The following PCSK2 variants were observed in gnomAD, a reference collection of about 807,000 sequenced individuals.
The protein encoded by PCSK2 is neuroendocrine convertase 2.
Under a neutral mutation model 69.7 loss-of-function variants are expected in PCSK2, and 14 were observed. The ratio of observed to expected loss-of-function variants is 0.20; its 90% confidence interval spans 0.13 to 0.31. PCSK2 has a LOEUF of 0.31. Ranked by LOEUF, PCSK2 falls within the 10% of genes least tolerant of loss-of-function variation. The pLI, the probability that PCSK2 is intolerant of heterozygous loss-of-function variation, is 1.00. For synonymous variants in PCSK2, 307 were observed against 320.7 expected (o/e 0.96, Z 0.46); for missense variants, 544 against 842.5 (o/e 0.65, Z 4.39).
intron 2 of PCSK2, among the ~76,000 whole-genome samples, chr20:17,323,469 T>A (rs1989940443): frequency 3.3e-5 from 5 of 152,138 alleles, no homozygotes; most frequent in African/African-American, 1.2e-4. Context: ...AGCAAACTAA[T>A]ATAATCGGTT....
chr20:17,428,095 C>T (rs2032285114), intron 6 of PCSK2, among the ~76,000 whole-genome samples: 1 of 152,170 alleles, frequency 6.6e-6, no homozygotes, highest in Admixed American at 6.5e-5. Context: ...TGTTTCTTCC[C>T]ATATGTTCCT....
chr20:17,439,709 G>A (rs1203381139), intron 8 of PCSK2, among the ~76,000 whole-genome samples: 4 of 152,194 alleles, frequency 2.6e-5, no homozygotes, highest in Non-Finnish European at 5.9e-5. Flanking sequence ...AAGTTCACAT[G>A]TAACTTCCTC....
At chr20:17,431,921 A>C (rs753869871) in intron 7 of PCSK2, among the ~76,000 whole-genome samples, 15 of 152,134 alleles carry the variant, frequency 9.9e-5, no homozygotes, top group South Asian at 2.1e-4. Flanking sequence ...TGGGCTAAGG[A>C]GGTCTAAAGC....
chr20:17,348,027 GAAAGAAGAAAGAAAGAAAGAAAGGA>G (rs1990731861), intron 2 of PCSK2, among the ~76,000 whole-genome samples: 2 of 83,882 alleles, frequency 2.4e-5, no homozygotes, highest in South Asian at 9.5e-4. Context: ...AAAAGAGAAA[GAAAGAAGAAAGAAAGAAAGAAAGGA>G]AAGAAAGAAA....
intron 2 of PCSK2, among the ~76,000 whole-genome samples, chr20:17,338,171 T>TG (rs71192374): frequency 0.067 from 7,597 of 112,622 alleles, 393 homozygotes; most frequent in East Asian, 0.16. Flanking sequence ...ACATTTTTTT[T>TG]GGGGGGGGGG....
At chr20:17,226,768 C>T (rs1229437739), upstream of PCSK2, among the ~76,000 whole-genome samples, 1 of 147,052 alleles carries the variant, frequency 6.8e-6, no homozygotes. Flanking sequence ...GGGGAGCTCT[C>T]CGGTGCTGAA....
intron 8 of PCSK2, among the ~76,000 whole-genome samples, chr20:17,438,636 G>A (rs2032534106): frequency 1.3e-5 from 2 of 152,154 alleles, no homozygotes; most frequent in South Asian, 2.1e-4. Flanking sequence ...CCTTTACCAG[G>A]CCTGGGGGCC....
At chr20:17,235,439 A>T (rs1041013758) in intron 1 of PCSK2, among the ~76,000 whole-genome samples, 2 of 152,170 alleles carry the variant, frequency 1.3e-5, no homozygotes, top group East Asian at 3.8e-4. Flanking sequence ...TCCTAAATAG[A>T]TTCATTTCAT....
chr20:17,317,767 C>T (rs912337036), intron 2 of PCSK2, among the ~76,000 whole-genome samples: 2 of 151,912 alleles, frequency 1.3e-5, no homozygotes, highest in Non-Finnish European at 2.9e-5. Flanking sequence ...ATAAAAGAGA[C>T]ATGGGAAGAG....
At chr20:17,264,490 C>A (rs1987515524) in intron 2 of PCSK2, among the ~76,000 whole-genome samples, 2 of 152,070 alleles carry the variant, frequency 1.3e-5, no homozygotes, top group Non-Finnish European at 2.9e-5. Flanking sequence ...CTTTCTTATC[C>A]AAATGTATCC....
intron 2 of PCSK2, among the ~76,000 whole-genome samples, chr20:17,355,123 T>C (rs1255892943): frequency 6.6e-6 from 1 of 152,224 alleles, no homozygotes; most frequent in Non-Finnish European, 1.5e-5. Context: ...ACCTAATTTA[T>C]GGAATTAAAA....
chr20:17,309,208 C>T (rs1191447766), intron 2 of PCSK2, among the ~76,000 whole-genome samples: 1 of 152,120 alleles, frequency 6.6e-6, no homozygotes, highest in African/African-American at 2.4e-5. Flanking sequence ...GAGAGTTTCT[C>T]TTTTCACATG....
chr20:17,362,829 A>G (rs2030447326), intron 4 of PCSK2, among the ~76,000 whole-genome samples: 1 of 152,254 alleles, frequency 6.6e-6, no homozygotes, highest in African/African-American at 2.4e-5. Flanking sequence ...TAACTGAAGA[A>G]AAGTATCCAA....
chr20:17,472,222 G>A (rs1181496812), intron 11 of PCSK2, among the ~76,000 whole-genome samples: 1 of 152,210 alleles, frequency 6.6e-6, no homozygotes, highest in Non-Finnish European at 1.5e-5. Flanking sequence ...GCTCCTTTAA[G>A]GCTGTGCCAA....
intron 8 of PCSK2, among the ~76,000 whole-genome samples, chr20:17,438,871 T>G (rs1221799443): frequency 2.0e-5 from 3 of 152,222 alleles, no homozygotes; most frequent in Non-Finnish European, 4.4e-5. Flanking sequence ...AAGGGAAAGC[T>G]TTACCCAAGA....
At chr20:17,337,754 A>C (rs1342441546) in intron 2 of PCSK2, among the ~76,000 whole-genome samples, 1 of 150,566 alleles carries the variant, frequency 6.6e-6, no homozygotes, top group Non-Finnish European at 1.5e-5. Flanking sequence ...GGGAGACCTG[A>C]CTCTTTAAAA....
chr20:17,341,395 T>G (rs1990506954), intron 2 of PCSK2, among the ~76,000 whole-genome samples: 1 of 152,218 alleles, frequency 6.6e-6, no homozygotes, highest in Admixed American at 6.5e-5. Context: ...AAGTTGTGAT[T>G]TATAGCTCCC....
At chr20:17,351,038 TA>T (rs11471979) in intron 2 of PCSK2, among the ~76,000 whole-genome samples, 25,533 of 134,016 alleles carry the variant, frequency 0.19, 2,540 homozygotes, top group Non-Finnish European at 0.25. Context: ...AGACTTCATC[TA>T]AAAAAAAAAA....
intron 1 of PCSK2, among the ~76,000 whole-genome samples, chr20:17,241,814 A>T (rs1350284971): frequency 6.6e-6 from 1 of 152,240 alleles, no homozygotes; most frequent in Admixed American, 6.5e-5. Flanking sequence ...AGCCAAGAAG[A>T]AAAGAAAGAA....
Sources: allele counts gnomAD v4.1 joint callset (sites outside exome capture counted in the v4.1 genomes callset), GRCh38; gene constraint gnomAD v4.1.1; transcripts MANE v1.5; gene names NCBI Gene and HGNC (gene_info 2026-07-23, HGNC 2026-07-21).